The following ZFAND4 variants were observed in gnomAD, a reference collection of about 807,000 sequenced individuals.
ZFAND4 encodes AN1-type zinc finger protein 4.
ZFAND4 carries 43 observed loss-of-function variants against 64.4 expected under a neutral mutation model. That is an observed-to-expected ratio of 0.67 (90% CI 0.52 to 0.86). The LOEUF (loss-of-function observed/expected upper bound fraction) is 0.86. ZFAND4 is among the 40% of genes least tolerant of loss of function. ZFAND4 has a pLI of 0.00. For missense variants in ZFAND4, 929 were observed against 859.8 expected (o/e 1.08, Z -1.01); for synonymous variants, 296 against 305.7 (o/e 0.97, Z 0.33).
intron 6 of ZFAND4, among the ~76,000 whole-genome samples, chr10:45,631,182 G>C (rs1229002629): frequency 6.6e-6 from 1 of 151,498 alleles, no homozygotes; most frequent in African/African-American, 2.4e-5. Flanking sequence ...GCTGGGTGTG[G>C]TGACGGGCGC....
chr10:45,649,035 G>A lies in ZFAND4; in HGVS notation c.329-501C>T, dbSNP rs190776876. On this transcript the variant is annotated intron_variant, in intron 4 of 9. Coordinates refer to ENST00000344646, the MANE Select transcript of ZFAND4 (RefSeq NM_174890.4). ...TGTAATCCCAGCACTTTGGGAGGCC[G>A]AGGCGGGCAGATCATGAAGTCAAGA... 1,043 of 683,320 alleles carry A rather than the reference G, an allele frequency of 1.5e-3. 13 individuals carry two copies. The South Asian group carries it at 0.028, about 19-fold the overall frequency. The allele number at this position is 683,320 out of a possible 1,614,324, so 42.3% of individuals were successfully genotyped here. A position where few individuals can be genotyped will look rare whatever the true frequency, so the allele number is the denominator to read the frequency against.
chr10:45,618,827 C>T (rs1012410825), intron 8 of ZFAND4, among the ~76,000 whole-genome samples: 1 of 152,122 alleles, frequency 6.6e-6, no homozygotes, highest in Non-Finnish European at 1.5e-5. Context: ...TTAAGGTCAA[C>T]TCAATCCATA....
At chr10:45,629,173 G>C (rs1378712406) in intron 6 of ZFAND4, among the ~76,000 whole-genome samples, 1 of 151,976 alleles carries the variant, frequency 6.6e-6, no homozygotes, top group Admixed American at 6.6e-5. Flanking sequence ...CCCTCCCAGG[G>C]TCAATCGATC....
chr10:45,653,156 T>G (rs556498941), intron 2 of ZFAND4, 97 bp from the exon 3 acceptor site: 2 of 889,058 alleles, frequency 2.2e-6, no homozygotes, highest in South Asian at 3.5e-5. Context: ...CTAAGAGCAC[T>G]AAAAAATTAA....
intron 5 of ZFAND4, among the ~76,000 whole-genome samples, chr10:45,645,948 G>A (rs937669151): frequency 1.3e-5 from 2 of 151,948 alleles, no homozygotes; most frequent in African/African-American, 4.8e-5. Flanking sequence ...ATGTGCTCAT[G>A]GACTGATATC....
intron 5 of ZFAND4, among the ~76,000 whole-genome samples, chr10:45,641,698 C>T (rs1384653571): frequency 6.6e-6 from 1 of 152,228 alleles, no homozygotes; most frequent in African/African-American, 2.4e-5. Context: ...ACAAGTACAA[C>T]ACTGAAGTAA....
rs771336077 is a variant in ZFAND4 at position 45,618,110 on chromosome 10, C to T, written c.2048+30G>A. The T allele has an allele frequency of 1.8e-5, 29 of 1,595,848 alleles. No individual in the cohort carries two copies. In the Admixed American group the frequency reaches 4.4e-4, roughly 24 times the overall value. Reference sequence around the variant, plus strand: ...CCAAGCTGGGTTATCACAGAGAAAGCATCTGAGCTTCTCCAGCTCGCCAAC... The same window carrying T: ...CCAAGCTGGGTTATCACAGAGAAAGTATCTGAGCTTCTCCAGCTCGCCAAC... On this transcript the variant is annotated intron_variant, in intron 9 of 9. Transcript: ENST00000344646.
chr10:45,634,337 A>G (rs1244714578), intron 6 of ZFAND4, among the ~76,000 whole-genome samples: 3 of 152,128 alleles, frequency 2.0e-5, no homozygotes, highest in African/African-American at 7.2e-5. Flanking sequence ...ATTCTGGCCA[A>G]CATGGTGAAA....
chr10:45,652,841 G>T, intron 3 of ZFAND4, 143 bp downstream of exon 3: 1 of 604,506 alleles, frequency 1.7e-6, no homozygotes, highest in Non-Finnish European at 2.9e-6. Context: ...TGCATCTAAA[G>T]TTCAGGATGT....
intron 1 of ZFAND4, among the ~76,000 whole-genome samples, chr10:45,666,859 G>T (rs1201243623): frequency 6.6e-6 from 1 of 152,128 alleles, no homozygotes; most frequent in Non-Finnish European, 1.5e-5. Context: ...TTATTCTGTT[G>T]ATCTACCTAT....
chr10:45,666,095 G>T (rs1020531869), intron 1 of ZFAND4, among the ~76,000 whole-genome samples: 1 of 152,124 alleles, frequency 6.6e-6, no homozygotes, highest in South Asian at 2.1e-4. Context: ...GCTAGATAAT[G>T]TGGTAACTCT....
In ZFAND4 at chr10:45,626,468, T is replaced by TCCC. The variant is rs1039930602; in HGVS notation, c.1352_1354dup (p.Gly451dup). The TCCC allele has an allele frequency of 6.2e-7, 1 of 1,613,702 alleles. No homozygotes were observed. The highest frequency in any genetic ancestry group is 8.5e-7 in the Non-Finnish European group (1 of 1,180,038). On this transcript the variant is annotated inframe_insertion, in exon 7 of 10. Transcript: ENST00000344646. The stretch of plus-strand genomic sequence containing the variant: ...GTTAAGAACTGAAGTCTCTACTGAT[T>TCCC]CCCCATTCAGCACTCCTGCAACATG...
In ZFAND4 at chr10:45,618,231, C is replaced by T. The variant is rs1468189064; in HGVS notation, c.1957G>A (p.Val653Met). The T allele has an allele frequency of 8.1e-6, 13 of 1,613,382 alleles. No homozygotes were observed. Among genetic ancestry groups the T allele is most frequent in the Non-Finnish European group, 1.0e-5 (12 of 1,179,776 alleles). Residue 653 changes from valine to methionine, a missense_variant, in exon 9 of 10, where the codon GTG (valine) becomes ATG (methionine). Physicochemically the swap from Val to Met is conservative, Grantham distance 21. Transcript: ENST00000344646. ...TTCTTTGTCTGAAGAGGGGCTTTCA[C>T]AGGTGGGAGGTGATGAGTAGTACAT... ...GECTTHHLPP[V>M]KAPLQTKKKT... is the part of the protein sequence containing the mutation.
At chr10:45,624,699 A>C in intron 7 of ZFAND4, 62 bp from the exon 8 acceptor site, 2 of 1,330,294 alleles carry the variant, frequency 1.5e-6, no homozygotes, top group South Asian at 2.5e-5. Flanking sequence ...ATGATCAACA[A>C]ACATGAAATA....
At chr10:45,653,163 T>C (rs1220541073) in intron 2 of ZFAND4, 104 bp from the exon 3 acceptor site, 1 of 833,388 alleles carries the variant, frequency 1.2e-6, no homozygotes, top group Admixed American at 2.7e-5. Context: ...CACTAAAAAA[T>C]TAAACATTCT....
At position 45,645,448 on chromosome 10, in the gene ZFAND4, TG is replaced by T. The variant is rs1418727144; in HGVS notation, c.569+2845del. 3.9e-5 allele frequency among the ~76,000 whole-genome samples: 6 copies of T among 152,340 alleles called. No homozygotes were observed. In the South Asian group the frequency reaches 1.2e-3, roughly 32 times the overall value. On this transcript the variant is annotated intron_variant, in intron 5 of 9. Coordinates refer to ENST00000344646, the MANE Select transcript of ZFAND4 (RefSeq NM_174890.4). ...GCTTACTGGTAATAAAGTTTTATTA[TG>T]TTTTTTTTAGCTCAGGAACTCTGAA...
intron 7 of ZFAND4, among the ~76,000 whole-genome samples, chr10:45,625,092 G>T (rs1371423421): frequency 6.6e-6 from 1 of 151,594 alleles, no homozygotes; most frequent in Admixed American, 6.6e-5. Flanking sequence ...CGGGAGGATT[G>T]CTTGAGCCCT....
chr10:45,656,298 A>G (rs954331637), intron 2 of ZFAND4, among the ~76,000 whole-genome samples: 1 of 151,374 alleles, frequency 6.6e-6, no homozygotes, highest in Non-Finnish European at 1.5e-5. Flanking sequence ...CTATTCCAAA[A>G]GATTGAAAAA....
At chr10:45,642,483 T>C (rs1398529147) in intron 5 of ZFAND4, among the ~76,000 whole-genome samples, 1 of 151,570 alleles carries the variant, frequency 6.6e-6, no homozygotes, top group Non-Finnish European at 1.5e-5. Flanking sequence ...GGCGGGTGCC[T>C]GTAGTCCCAG....
Sources: allele counts gnomAD v4.1 joint callset (sites outside exome capture counted in the v4.1 genomes callset), GRCh38; gene constraint gnomAD v4.1.1; transcripts MANE v1.5; gene names NCBI Gene and HGNC (gene_info 2026-07-23, HGNC 2026-07-21).